The following EOLA2 variants were observed in gnomAD, a reference collection of about 807,000 sequenced individuals.
EOLA2 encodes endothelium and lymphocyte associated ASCH domain 2.
In EOLA2, 3 loss-of-function variants were observed where a neutral mutation model predicts 4.1. The observed-to-expected ratio is 0.73, with a 90% confidence interval of 0.33 to 1.89. The LOEUF (loss-of-function observed/expected upper bound fraction) is 1.89. Ranked by LOEUF, EOLA2 falls within the 40% of genes most tolerant of loss-of-function variation. The pLI, the probability that EOLA2 is intolerant of heterozygous loss-of-function variation, is 0.08. For missense variants in EOLA2, 109 were observed against 126.4 expected (o/e 0.86, Z 0.66); for synonymous variants, 52 against 51.7 (o/e 1.01, Z -0.03).
Position 149,932,599 on chromosome X carries a change from T to C in EOLA2, c.422A>G (p.Asp141Gly). 1 of 1,206,273 alleles carries C rather than the reference T, an allele frequency of 8.3e-7. No homozygotes were observed. Among genetic ancestry groups the C allele is most frequent in the Non-Finnish European group, 1.1e-6 (1 of 893,427 alleles). Residue 141 changes from aspartate to glycine, a missense_variant, in exon 5 of 5, where the codon GAT (aspartate) becomes GGT (glycine). Transcript: ENST00000370406. ...LEPIPRKGGK[D>G]VFQVDIPEHL... Reference sequence around the variant, plus strand: ...CTCTGGGATGTCTACCTGGAATACATCCTTGCCTCCTTTCCTAGGTATGGG... The same window carrying C: ...CTCTGGGATGTCTACCTGGAATACACCCTTGCCTCCTTTCCTAGGTATGGG...
rs782725214 is a variant in EOLA2 at position 149,933,841 on chromosome X, A to G, written c.34T>C (p.Tyr12His). 2.1e-5 allele frequency: 25 copies of G among 1,203,367 alleles called. No homozygotes were observed. Among genetic ancestry groups the G allele is most frequent in the Non-Finnish European group, 2.8e-5 (25 of 892,112 alleles). The change falls in exon 4 of 5, where the codon TAT becomes CAT. Residue 12 changes from tyrosine (Y) to histidine (H), a missense_variant. By Grantham distance (83) the Tyr-to-His change is moderately conservative. Coordinates refer to ENST00000370406, the MANE Select transcript of EOLA2 (RefSeq NM_001013845.2). ...ATTCCATTTAAGACAAAGCCAGCAT[A>G]AGGCTGCCGGAAGGAGAGGCAGCCA... ...KFGCLSFRQPYAGFVLNGIKT... is the reference protein window; with the variant it reads ...KFGCLSFRQPHAGFVLNGIKT...
chrX:149,931,029 A>G (rs1465248900), downstream of EOLA2: 63 of 935,313 alleles, frequency 6.7e-5, no homozygotes, highest in East Asian at 8.4e-5. Context: ...TCTTTGTACA[A>G]TATCTGTTAC....
At chrX:149,937,140 G>A (rs2091016999) in intron 2 of EOLA2, among the ~76,000 whole-genome samples, 1 of 110,164 alleles carries the variant, frequency 9.1e-6, no homozygotes, top group Admixed American at 9.6e-5. Context: ...TGTGGCCCCT[G>A]AGCATGATTA....
intron 1 of EOLA2, among the ~76,000 whole-genome samples, 185 bp from the exon 2 acceptor site, chrX:149,937,665 C>T (rs1338844069): frequency 8.0e-5 from 9 of 112,520 alleles, no homozygotes; most frequent in African/African-American, 2.6e-4. Flanking sequence ...CGGTGGGACC[C>T]TCCACATCTG....
In EOLA2 at chrX:149,932,675, G is replaced by A; in HGVS notation, c.346C>T (p.Leu116=). 3 of 1,208,503 alleles carry A rather than the reference G, an allele frequency of 2.5e-6. No homozygotes were observed. The highest frequency in any genetic ancestry group is 1.8e-5 in the South Asian group (1 of 56,783). ...ATCACAGTCAGGTACTTCTGCTTCA[G>A]GTTGGTCAGTGCAGCTTGATTTTCT... ...ELENQAALTN[L]KQKYLTVISN... is the part of the protein sequence containing the mutation. The change falls in exon 5 of 5, where the codon CTG becomes TTG. Residue 116 remains leucine, a synonymous_variant. Transcript: ENST00000370406.
intron 1 of EOLA2, among the ~76,000 whole-genome samples, chrX:149,937,764 AG>A (rs1161217853): frequency 8.9e-6 from 1 of 112,608 alleles, no homozygotes; most frequent in Non-Finnish European, 1.9e-5. Context: ...GCTCCATCCG[AG>A]GGGAGAAAAA....
At chrX:149,933,438 G>A (rs1461055810) in intron 4 of EOLA2, among the ~76,000 whole-genome samples, 184 bp downstream of exon 4, 4 of 110,863 alleles carry the variant, frequency 3.6e-5, no homozygotes, top group African/African-American at 9.9e-5. Flanking sequence ...CAGAGCTTGC[G>A]GAAGCCAGCC....
At chrX:149,935,150 C>T (rs1482809516) in intron 2 of EOLA2, among the ~76,000 whole-genome samples, 1 of 96,113 alleles carries the variant, frequency 1.0e-5, no homozygotes, top group Non-Finnish European at 2.1e-5. Flanking sequence ...ATATACCCAC[C>T]CTCATGAGAC....
intron 2 of EOLA2, among the ~76,000 whole-genome samples, chrX:149,935,739 C>G (rs1239151825): frequency 2.9e-5 from 3 of 104,009 alleles, no homozygotes; most frequent in East Asian, 3.3e-4. Flanking sequence ...GTGGACAGGC[C>G]CATACATACT....
chrX:149,931,467 CAGGAAGA>C (rs2090872250), downstream of EOLA2, among the ~76,000 whole-genome samples: 1 of 106,780 alleles, frequency 9.4e-6, no homozygotes, highest in African/African-American at 3.4e-5. Flanking sequence ...AGGCCAAGCC[CAGGAAGA>C]CCTGGTCCCC....
intron 2 of EOLA2, among the ~76,000 whole-genome samples, chrX:149,935,801 G>A (rs1260894212): frequency 9.4e-6 from 1 of 106,610 alleles, no homozygotes; most frequent in African/African-American, 3.5e-5. Flanking sequence ...CTCTGTGAGT[G>A]GCATCACCAG....
chrX:149,934,100 T>C lies in EOLA2; in HGVS notation c.-125A>G, dbSNP rs1193160630. ...ATTCGGCTGACTCAGGTCCATCCCA[T>C]GGAGTCTTTGGGGCGGTCCGGAGTA... On this transcript the variant is annotated 5_prime_UTR_variant, in exon 3 of 5. An upstream start codon of the reference 5' UTR is lost. Coordinates refer to ENST00000370406, the MANE Select transcript of EOLA2 (RefSeq NM_001013845.2). The C allele has an allele frequency of 9.4e-7, 1 of 1,069,106 alleles. No homozygotes were observed. The highest frequency in any genetic ancestry group is 3.4e-5 in the East Asian group (1 of 29,352). 88.1% of individuals were successfully genotyped at this position (1,069,106 alleles called of 1,213,427 possible).
chrX:149,938,372 G>C lies in EOLA2; in HGVS notation c.-390C>G, dbSNP rs1415376529. 1 of 112,903 alleles carries C rather than the reference G, an allele frequency of 8.9e-6. No homozygotes were observed. The highest frequency in any genetic ancestry group is 1.9e-5 in the Non-Finnish European group (1 of 53,301). 9.3% of individuals were successfully genotyped at this position (112,903 alleles called of 1,213,427 possible). ...AGAGAGAGCACCCGGCTCGTGTCAG[G>C]GCTGTAAGGTAGCTGCCGCTTACTC... On this transcript the variant is annotated 5_prime_UTR_variant, in exon 1 of 5. Transcript: ENST00000370406.
chrX:149,931,163 T>C, downstream of EOLA2: 1 of 934,523 alleles, frequency 1.1e-6, no homozygotes, highest in East Asian at 4.2e-5. Context: ...CACTGCAAAT[T>C]CGTGAACTCA....
intron 4 of EOLA2, among the ~76,000 whole-genome samples, chrX:149,933,402 C>A (rs375577209): frequency 1.5e-4 from 16 of 110,245 alleles, no homozygotes; most frequent in East Asian, 5.7e-4. Context: ...AACAGAACTG[C>A]GGCCCAGAGT....
At chrX:149,935,184 G>C (rs1299170227) in intron 2 of EOLA2, among the ~76,000 whole-genome samples, 1 of 84,835 alleles carries the variant, frequency 1.2e-5, no homozygotes, top group Non-Finnish European at 2.3e-5. Flanking sequence ...GGCCAAAGCT[G>C]CCTGGTATTC....
At chrX:149,930,569 T>C (rs2090861540), downstream of EOLA2, 1 of 248,633 alleles carries the variant, frequency 4.0e-6, no homozygotes, top group East Asian at 5.5e-5. Context: ...ACAACTAACA[T>C]GTTTCATTTT....
chrX:149,931,357 G>A (rs2090870999), downstream of EOLA2: 1 of 256,200 alleles, frequency 3.9e-6, no homozygotes, highest in African/African-American at 2.8e-5. Flanking sequence ...GGGGAGGCTG[G>A]AAATCCTGTC....
At chrX:149,937,865 G>T (rs2091039829) in intron 1 of EOLA2, among the ~76,000 whole-genome samples, 1 of 112,966 alleles carries the variant, frequency 8.9e-6, no homozygotes, top group African/African-American at 3.2e-5. Context: ...GTCATGCTGA[G>T]CACGGGGCCA....
Sources: allele counts gnomAD v4.1 joint callset (sites outside exome capture counted in the v4.1 genomes callset), GRCh38; gene constraint gnomAD v4.1.1; transcripts MANE v1.5; gene names NCBI Gene and HGNC (gene_info 2026-07-23, HGNC 2026-07-21).